Variants in NRXN1 observed in about 807,000 individuals in gnomAD.
NRXN1 encodes the protein neurexin 1, also known as neurexin-1.
NRXN1 carries 39 observed loss-of-function variants against 150.9 expected under a neutral mutation model. That is an observed-to-expected ratio of 0.26 (90% CI 0.20 to 0.34). The LOEUF (loss-of-function observed/expected upper bound fraction) is 0.34, where lower values mean the gene tolerates loss of function less well. Among genes scored for constraint, NRXN1 ranks in the 10% least tolerant of loss-of-function variants. The pLI is 1.00. For missense variants in NRXN1, 1,815 were observed against 1,949.9 expected, an observed-to-expected ratio of 0.93 and a Z score of 1.30; for synonymous variants, 924 against 757.0, an observed-to-expected ratio of 1.22 and a Z score of -3.62.
chr2:50,937,432 TC>T (rs1688714386), intron 2 of NRXN1, among the ~76,000 whole-genome samples: 1 of 152,142 alleles, frequency 6.6e-6, no homozygotes, highest in African/African-American at 2.4e-5. Context: ...TGAGTATGTT[TC>T]TTTTAGTTGG....
intron 17 of NRXN1, among the ~76,000 whole-genome samples, chr2:50,398,351 C>G (rs2082176226): frequency 6.6e-6 from 1 of 152,066 alleles, no homozygotes; most frequent in Admixed American, 6.6e-5. Flanking sequence ...AGAAAGTACA[C>G]CTGGTAAAGT....
chr2:50,192,175 G>T (rs188838502), intron 18 of NRXN1, among the ~76,000 whole-genome samples: 13 of 152,190 alleles, frequency 8.5e-5, no homozygotes, highest in Admixed American at 8.5e-4. Context: ...TTCAATTTCA[G>T]TATTTAATTT....
At chr2:50,307,942 T>C (rs1175386632) in intron 17 of NRXN1, among the ~76,000 whole-genome samples, 1 of 152,250 alleles carries the variant, frequency 6.6e-6, no homozygotes, top group Non-Finnish European at 1.5e-5. Context: ...GAGCACTGTA[T>C]TTAAGCTGAC....
chr2:50,098,830 G>T (rs1162675575), intron 18 of NRXN1, among the ~76,000 whole-genome samples: 2 of 105,540 alleles, frequency 1.9e-5, no homozygotes, highest in Non-Finnish European at 3.9e-5. Flanking sequence ...TTTGGTTTTA[G>T]TTTTTTTTTT....
chr2:50,000,981 TA>T (rs1430655908), intron 21 of NRXN1, among the ~76,000 whole-genome samples: 1 of 152,154 alleles, frequency 6.6e-6, no homozygotes, highest in African/African-American at 2.4e-5. Context: ...ATAAAAGTCA[TA>T]AAATTGTTAT....
intron 2 of NRXN1, among the ~76,000 whole-genome samples, chr2:50,996,888 G>C (rs1284024777): frequency 2.0e-5 from 3 of 152,038 alleles, no homozygotes; most frequent in Non-Finnish European, 4.4e-5. Flanking sequence ...AACTCGTGAG[G>C]GGGGAGTAAT....
intron 21 of NRXN1, among the ~76,000 whole-genome samples, chr2:50,006,024 G>A (rs1400578731): frequency 1.3e-5 from 2 of 152,024 alleles, no homozygotes; most frequent in African/African-American, 4.8e-5. Context: ...GACACACCTT[G>A]GTTGTCTACC....
At chr2:50,124,185 T>G (rs1704249614) in intron 18 of NRXN1, among the ~76,000 whole-genome samples, 1 of 152,070 alleles carries the variant, frequency 6.6e-6, no homozygotes, top group South Asian at 2.1e-4. Flanking sequence ...GAGGGAATGA[T>G]CAACGATATA....
chr2:49,931,297 T>C (rs2104193716), intron 22 of NRXN1, among the ~76,000 whole-genome samples: 1 of 152,300 alleles, frequency 6.6e-6, no homozygotes, highest in East Asian at 1.9e-4. Context: ...CAGAAATCAC[T>C]TCTTCTGTGC....
intron 5 of NRXN1, among the ~76,000 whole-genome samples, chr2:50,645,168 C>T (rs1200566084): frequency 6.6e-6 from 1 of 151,766 alleles, no homozygotes; most frequent in Non-Finnish European, 1.5e-5. Flanking sequence ...GAACAGAGTG[C>T]GACTGGATGC....
At position 50,243,813 on chromosome 2, in the gene NRXN1, G is replaced by C. The variant is rs144936848; in HGVS notation, c.3365-6843C>G. The stretch of plus-strand genomic sequence containing the variant: ...AAGAGTATTCCTCTTCAATAAGCCA[G>C]CCCATCTGAGATTAGGCTCTAGCCC... On this transcript the variant is annotated intron_variant, in intron 17 of 22. Transcript: ENST00000401669. 8.1e-3 allele frequency among the ~76,000 whole-genome samples: 1,233 copies of C among 151,826 alleles called. 6 individuals are homozygous for C. The highest frequency in any genetic ancestry group is 0.012 in the Non-Finnish European group (815 of 67,834).
At chr2:50,862,762 T>C (rs368109572) in intron 5 of NRXN1, among the ~76,000 whole-genome samples, 1 of 152,040 alleles carries the variant, frequency 6.6e-6, no homozygotes, top group Non-Finnish European at 1.5e-5. Flanking sequence ...TAGACATGAA[T>C]CACCTTTTCA....
chr2:50,398,124 G>C (rs1268819211), intron 17 of NRXN1, among the ~76,000 whole-genome samples: 2 of 152,092 alleles, frequency 1.3e-5, no homozygotes, highest in Admixed American at 1.3e-4. Flanking sequence ...TTCTTTGGCT[G>C]TTTTTCCCCT....
intron 21 of NRXN1, among the ~76,000 whole-genome samples, chr2:49,953,973 T>C (rs974851959): frequency 1.3e-5 from 2 of 152,090 alleles, no homozygotes; most frequent in South Asian, 2.1e-4. Flanking sequence ...TGTATACCTA[T>C]GTAACAAGCC....
At chr2:50,717,917 A>G (rs1176002249) in intron 5 of NRXN1, among the ~76,000 whole-genome samples, 2 of 152,184 alleles carry the variant, frequency 1.3e-5, no homozygotes, top group Non-Finnish European at 2.9e-5. Flanking sequence ...CGAATCACCT[A>G]CTAAAGGTCT....
chr2:49,929,201 G>C (rs1285744420), intron 22 of NRXN1, among the ~76,000 whole-genome samples: 1 of 152,026 alleles, frequency 6.6e-6, no homozygotes, highest in African/African-American at 2.4e-5. Flanking sequence ...AACCCAACTA[G>C]GACAGGCTGC....
intron 5 of NRXN1, among the ~76,000 whole-genome samples, chr2:50,646,872 T>C (rs1448364491): frequency 6.6e-6 from 1 of 151,798 alleles, no homozygotes; most frequent in Non-Finnish European, 1.5e-5. Context: ...TCTGAGTCCC[T>C]TGAGGAGACA....
intron 2 of NRXN1, among the ~76,000 whole-genome samples, chr2:51,010,112 T>C (rs1667611336): frequency 6.6e-6 from 1 of 152,020 alleles, no homozygotes; most frequent in Admixed American, 6.6e-5. Context: ...AGTCATATAA[T>C]GGGTCTCATC....
intron 21 of NRXN1, among the ~76,000 whole-genome samples, chr2:50,049,528 C>G (rs1692368174): frequency 6.6e-6 from 1 of 152,118 alleles, no homozygotes; most frequent in Admixed American, 6.6e-5. Flanking sequence ...TACAATCTCT[C>G]TACAGTATGT....
Sources: allele counts gnomAD v4.1 joint callset (sites outside exome capture counted in the v4.1 genomes callset), GRCh38; gene constraint gnomAD v4.1.1; transcripts MANE v1.5; gene names NCBI Gene and HGNC (gene_info 2026-07-23, HGNC 2026-07-21).